Variants in CDH4 observed in about 807,000 individuals in gnomAD.
CDH4 encodes the protein cadherin-4.
Under a neutral mutation model 86.0 loss-of-function variants are expected in CDH4, and 33 were observed. That is an observed-to-expected ratio of 0.38 (90% CI 0.29 to 0.51). CDH4 has a LOEUF of 0.51. CDH4 is among the 20% of genes least tolerant of loss of function. CDH4 has a pLI of 0.86. For missense variants in CDH4, 1,114 were observed against 1,307.4 expected (o/e 0.85, Z 2.28); for synonymous variants, 555 against 549.4 (o/e 1.01, Z -0.14).
In CDH4 at chr20:61,911,969, G is replaced by A. The variant is rs149165919; in HGVS notation, c.1374+1362G>A. The stretch of plus-strand genomic sequence containing the variant: ...CTCTCACGTGAGAGGAGTCTGAGGT[G>A]GGCAGTTGGGGCCAATGTCACAGCT... On this transcript the variant is annotated intron_variant, in intron 9 of 15. Transcript: ENST00000614565. Among the ~76,000 whole-genome samples the A allele has an allele frequency of 4.9e-4, 74 of 152,314 alleles. 1 individual carries two copies. Among genetic ancestry groups the A allele is most frequent in the African/African-American group, 1.5e-3 (61 of 41,556 alleles).
rs1016732645 is a variant in CDH4 at position 61,924,436 on chromosome 20, AAAC to A, written c.1735_1737del (p.Asn579del). The A allele has an allele frequency of 1.9e-6, 3 of 1,613,528 alleles. No individual in the cohort carries two copies. The highest frequency in any genetic ancestry group is 2.5e-6 in the Non-Finnish European group (3 of 1,179,820). Reference sequence around the variant, plus strand: ...TGGACCGTGAGTCCCTCTACACCAAAAACAACGTCTACGAGGCCACCTTCCTGG... The same window carrying A: ...TGGACCGTGAGTCCCTCTACACCAAAAACGTCTACGAGGCCACCTTCCTGG... On this transcript the variant is annotated inframe_deletion, in exon 11 of 16. Transcript: ENST00000614565.
At chr20:61,386,209 C>T (rs2084949975) in intron 2 of CDH4, among the ~76,000 whole-genome samples, 1 of 152,180 alleles carries the variant, frequency 6.6e-6, no homozygotes, top group Non-Finnish European at 1.5e-5. Context: ...TCTTCAGCCC[C>T]TGTGGGTGCT....
chr20:61,300,028 G>C (rs909145467), intron 2 of CDH4, among the ~76,000 whole-genome samples: 1 of 152,126 alleles, frequency 6.6e-6, no homozygotes, highest in African/African-American at 2.4e-5. Context: ...TTAGGGAATC[G>C]TGTGTATTTC....
At position 61,923,447 on chromosome 20, in the gene CDH4, C is replaced by T. The variant is rs745907064; in HGVS notation, c.1375-4C>T. The T allele has an allele frequency of 1.2e-6, 2 of 1,613,848 alleles. No homozygotes were observed. Among genetic ancestry groups the T allele is most frequent in the Non-Finnish European group, 1.7e-6 (2 of 1,179,896 alleles). Reference sequence around the variant, plus strand: ...TCACTCCCAGCCCTGATCTGTTGTTCCAGGCAGTCGACTACGAGCTCAACA... The same window carrying T: ...TCACTCCCAGCCCTGATCTGTTGTTTCAGGCAGTCGACTACGAGCTCAACA... On this transcript the variant is annotated splice_polypyrimidine_tract_variant and splice_region_variant and intron_variant, in intron 9 of 15. Coordinates refer to ENST00000614565, the MANE Select transcript of CDH4 (RefSeq NM_001794.5).
At chr20:61,896,949 G>A (rs1985156000) in intron 8 of CDH4, among the ~76,000 whole-genome samples, 1 of 152,122 alleles carries the variant, frequency 6.6e-6, no homozygotes, top group African/African-American at 2.4e-5. Context: ...CCCAAATTGT[G>A]TGGAGCAGGT....
intron 2 of CDH4, among the ~76,000 whole-genome samples, chr20:61,682,426 G>A (rs2087526553): frequency 7.1e-6 from 1 of 141,060 alleles, no homozygotes; most frequent in Admixed American, 7.0e-5. Context: ...ATGGAAGGAT[G>A]GATGGATGGA....
At chr20:61,895,780 G>A (rs528624562) in intron 8 of CDH4, among the ~76,000 whole-genome samples, 71 of 152,300 alleles carry the variant, frequency 4.7e-4, no homozygotes, top group Middle Eastern at 3.4e-3. Flanking sequence ...CTTGGCTGTC[G>A]CCCTGCTTAC....
intron 2 of CDH4, among the ~76,000 whole-genome samples, chr20:61,691,428 CGT>C (rs1232379357): frequency 6.7e-6 from 1 of 150,162 alleles, no homozygotes; most frequent in East Asian, 2.0e-4. Context: ...TGTGTGTGTG[CGT>C]GTGCATGTGT....
rs1211902389 is a variant in CDH4, at chr20:61,280,585, CTG to C, written c.169+25652_169+25653del. ...CAGGGTTTCACGGCTGTGAAAAATACTGTGTTTATTTATAAGCACAAGGCTGG... is the reference window on the plus strand; with the variant it reads ...CAGGGTTTCACGGCTGTGAAAAATACTGTTTATTTATAAGCACAAGGCTGG... On this transcript the variant is annotated intron_variant, in intron 2 of 15. Transcript: ENST00000614565. Among the ~76,000 whole-genome samples, 7 of 152,348 alleles carry C rather than the reference CTG, an allele frequency of 4.6e-5. No homozygotes were observed. In the East Asian group the frequency reaches 5.8e-4, roughly 13 times the overall value.
chr20:61,391,917 A>G (rs927759206), intron 2 of CDH4, among the ~76,000 whole-genome samples: 5 of 152,028 alleles, frequency 3.3e-5, no homozygotes. Flanking sequence ...TTTTTCTGCC[A>G]GGTACACTTC....
intron 10 of CDH4, 27 bp downstream of exon 10, chr20:61,923,731 C>G: frequency 5.0e-6 from 8 of 1,606,440 alleles, no homozygotes; most frequent in Non-Finnish European, 5.9e-6. Context: ...TGCCTCGTCC[C>G]TGCCTGCAGC....
rs1034188886 is a variant in CDH4 at position 61,594,331 on chromosome 20, C to T, written c.170-149232C>T. 7.9e-5 allele frequency among the ~76,000 whole-genome samples: 12 copies of T among 152,040 alleles called. No individual in the cohort carries two copies. In the South Asian group the frequency reaches 1.2e-3, roughly 16 times the overall value. ...GGCCACTTCCAGTGCTGGTGCCTGACGCCCAGAGACAGGCCAGACACTGTT... is the reference window on the plus strand; with the variant it reads ...GGCCACTTCCAGTGCTGGTGCCTGATGCCCAGAGACAGGCCAGACACTGTT... On this transcript the variant is annotated intron_variant, in intron 2 of 15. Coordinates refer to ENST00000614565, the MANE Select transcript of CDH4 (RefSeq NM_001794.5).
chr20:61,312,811 G>A (rs147296643), intron 2 of CDH4, among the ~76,000 whole-genome samples: 140 of 152,260 alleles, frequency 9.2e-4, no homozygotes, highest in Admixed American at 3.1e-3. Context: ...CTTGTGGGAC[G>A]GGACACCAAA....
At chr20:61,355,423 G>A (rs1317697214) in intron 2 of CDH4, among the ~76,000 whole-genome samples, 1 of 152,138 alleles carries the variant, frequency 6.6e-6, no homozygotes, top group Non-Finnish European at 1.5e-5. Context: ...GGTGATTGGG[G>A]GTGAAGGTAC....
rs374958339 is a variant in CDH4, at chr20:61,423,620, A to AT, written c.169+168691dup. Among the ~76,000 whole-genome samples, 5 of 151,192 alleles carry AT rather than the reference A, an allele frequency of 3.3e-5. No individual in the cohort carries two copies. The East Asian group carries it at 7.8e-4, about 24-fold the overall frequency. ...GCATTTATAGCAGCAATGGCTTGGGATTTTTTTTGTTCATGACTGTATTGC... is the reference window on the plus strand; with the variant it reads ...GCATTTATAGCAGCAATGGCTTGGGATTTTTTTTTGTTCATGACTGTATTGC... On this transcript the variant is annotated intron_variant, in intron 2 of 15. Coordinates refer to ENST00000614565, the MANE Select transcript of CDH4 (RefSeq NM_001794.5).
intron 4 of CDH4, among the ~76,000 whole-genome samples, chr20:61,835,706 C>T (rs1981840831): frequency 6.6e-6 from 1 of 152,204 alleles, no homozygotes; most frequent in Non-Finnish European, 1.5e-5. Flanking sequence ...TCTCCCTAGT[C>T]AATAACTTGT....
chr20:61,569,630 A>T (rs1051708725), intron 2 of CDH4, among the ~76,000 whole-genome samples: 9 of 152,206 alleles, frequency 5.9e-5, no homozygotes, highest in African/African-American at 1.9e-4. Context: ...TGTACCAATG[A>T]TACGAGATTC....
chr20:61,819,386 C>G (rs576423940), intron 4 of CDH4, among the ~76,000 whole-genome samples: 2 of 151,084 alleles, frequency 1.3e-5, no homozygotes, highest in Non-Finnish European at 1.5e-5. Flanking sequence ...TCGCTCTGCC[C>G]CGGGAGCGTT....
At chr20:61,816,309 C>T (rs1360947013) in intron 4 of CDH4, among the ~76,000 whole-genome samples, 2 of 152,156 alleles carry the variant, frequency 1.3e-5, no homozygotes, top group African/African-American at 4.8e-5. Flanking sequence ...TTTCTCAAAT[C>T]GCTCCCTGAT....
Sources: gnomAD v4.1 joint callset for allele counts (sites outside exome capture counted in the v4.1 genomes callset) on GRCh38, gnomAD v4.1.1 for gene constraint, MANE v1.5 for transcripts, NCBI Gene and HGNC (gene_info 2026-07-23, HGNC 2026-07-21) for gene names.